PTPRK: variants seen among roughly 807,000 people sequenced by gnomAD.
PTPRK encodes receptor-type tyrosine-protein phosphatase kappa.
PTPRK carries 75 observed loss-of-function variants against 178.0 expected under a neutral mutation model. The ratio of observed to expected loss-of-function variants is 0.42; its 90% confidence interval spans 0.35 to 0.51. The LOEUF (loss-of-function observed/expected upper bound fraction) is 0.51. PTPRK is among the 20% of genes least tolerant of loss of function. PTPRK has a pLI of 0.02. For missense variants in PTPRK, 1,441 were observed against 1,797.8 expected (o/e 0.80, Z 3.59); for synonymous variants, 637 against 620.6 (o/e 1.03, Z -0.39).
At chr6:128,014,728 C>T (rs1255548607) in intron 13 of PTPRK, among the ~76,000 whole-genome samples, 1 of 151,526 alleles carries the variant, frequency 6.6e-6, no homozygotes, top group Admixed American at 6.6e-5. Context: ...TTTTGTAAAG[C>T]ACATGTTATT....
chr6:128,029,020 G>C (rs1211645972), intron 13 of PTPRK, among the ~76,000 whole-genome samples: 1 of 152,142 alleles, frequency 6.6e-6, no homozygotes, highest in African/African-American at 2.4e-5. Flanking sequence ...TTGATCAACT[G>C]ATACAGTTTG....
intron 6 of PTPRK, among the ~76,000 whole-genome samples, chr6:128,197,439 A>G (rs1162810636): frequency 6.6e-6 from 1 of 152,108 alleles, no homozygotes; most frequent in African/African-American, 2.4e-5. Context: ...TAGATGTATC[A>G]TTACTATACA....
intron 7 of PTPRK, among the ~76,000 whole-genome samples, chr6:128,094,960 G>C (rs1293445568): frequency 6.6e-6 from 1 of 152,156 alleles, no homozygotes; most frequent in Non-Finnish European, 1.5e-5. Flanking sequence ...ACAGAGATGA[G>C]CATGTGTTAG....
At chr6:127,991,721 C>T (rs1776639101) in intron 19 of PTPRK, among the ~76,000 whole-genome samples, 1 of 151,096 alleles carries the variant, frequency 6.6e-6, no homozygotes, top group African/African-American at 2.4e-5. Flanking sequence ...AACTCTTATA[C>T]CACCATCAAC....
intron 25 of PTPRK, among the ~76,000 whole-genome samples, chr6:127,980,556 T>C (rs1439610924): frequency 6.6e-6 from 1 of 152,040 alleles, no homozygotes; most frequent in Non-Finnish European, 1.5e-5. Context: ...CTATGGGCTA[T>C]ATAACACCCT....
chr6:128,494,407 T>C (rs1854363528), intron 1 of PTPRK, among the ~76,000 whole-genome samples: 1 of 152,174 alleles, frequency 6.6e-6, no homozygotes, highest in African/African-American at 2.4e-5. Context: ...AATATATCCC[T>C]GAAATTAGTA....
intron 2 of PTPRK, among the ~76,000 whole-genome samples, chr6:128,366,229 T>C (rs966738258): frequency 6.6e-6 from 1 of 152,258 alleles, no homozygotes; most frequent in African/African-American, 2.4e-5. Flanking sequence ...TGTTAGATGA[T>C]ACTTTTGGAA....
chr6:128,128,350 T>C (rs776287510), intron 7 of PTPRK, among the ~76,000 whole-genome samples: 1 of 152,130 alleles, frequency 6.6e-6, no homozygotes, highest in Admixed American at 6.5e-5. Context: ...CCAGCCTCAC[T>C]GCTTATACAA....
Position 128,246,468 on chromosome 6 carries a change from G to A in PTPRK, c.496-3866C>T, listed in dbSNP as rs1295203335. 2.0e-5 allele frequency among the ~76,000 whole-genome samples: 3 copies of A among 151,606 alleles called. No individual in the cohort carries two copies. In the East Asian group the frequency reaches 5.8e-4, roughly 29 times the overall value. The stretch of plus-strand genomic sequence containing the variant: ...AAAAAAAAAAGTTCCTCTTTTTAGT[G>A]ACCTCATTTTCCCTGCTAAATGTTG... On this transcript the variant is annotated intron_variant, in intron 3 of 29. Coordinates refer to ENST00000368226, the MANE Select transcript of PTPRK (RefSeq NM_002844.4).
chr6:127,970,109 A>G lies in PTPRK; in HGVS notation c.*118T>C. 1.5e-6 allele frequency: 1 copy of G among 681,540 alleles called. No individual in the cohort carries two copies. Among genetic ancestry groups the G allele is most frequent in the Non-Finnish European group, 2.4e-6 (1 of 418,406 alleles). The allele number at this position is 681,540 out of a possible 1,614,324, so 42.2% of individuals were successfully genotyped here. On this transcript the variant is annotated 3_prime_UTR_variant, in exon 30 of 30. Transcript: ENST00000368226. Reference sequence around the variant, plus strand: ...AAAAATACTTTTACCTCTCAAATGTAAAAGTCTCCCACCCCCCACATTAAA... The same window carrying G: ...AAAAATACTTTTACCTCTCAAATGTGAAAGTCTCCCACCCCCCACATTAAA...
chr6:128,142,984 CTTAT>C (rs1391018246), intron 7 of PTPRK, among the ~76,000 whole-genome samples: 2 of 151,982 alleles, frequency 1.3e-5, no homozygotes, highest in East Asian at 1.9e-4. Flanking sequence ...AAAATATTGA[CTTAT>C]TTCTCAAATA....
chr6:128,489,162 C>T (rs764982368), intron 1 of PTPRK, among the ~76,000 whole-genome samples: 4 of 152,000 alleles, frequency 2.6e-5, no homozygotes, highest in Non-Finnish European at 4.4e-5. Flanking sequence ...TCCACAGCAA[C>T]GAATATTAGT....
chr6:128,297,093 G>C (rs1219018745), intron 3 of PTPRK, among the ~76,000 whole-genome samples: 7 of 151,456 alleles, frequency 4.6e-5, no homozygotes, highest in South Asian at 2.1e-4. Flanking sequence ...GGATAAAACA[G>C]ACTTTAAACC....
At chr6:128,518,301 T>A (rs528794408) in intron 1 of PTPRK, among the ~76,000 whole-genome samples, 2 of 152,346 alleles carry the variant, frequency 1.3e-5, no homozygotes. Context: ...ACTAGATATC[T>A]AAGAACACAA....
At chr6:128,123,506 A>G (rs1242096364) in intron 7 of PTPRK, among the ~76,000 whole-genome samples, 1 of 152,200 alleles carries the variant, frequency 6.6e-6, no homozygotes, top group African/African-American at 2.4e-5. Context: ...ATTTCCAAAG[A>G]TAGTACAAAG....
chr6:128,314,612 A>G (rs1827746801), intron 3 of PTPRK, among the ~76,000 whole-genome samples: 1 of 152,184 alleles, frequency 6.6e-6, no homozygotes, highest in Non-Finnish European at 1.5e-5. Flanking sequence ...AGAGCTTTAA[A>G]TAGACAATTT....
chr6:128,396,908 G>A (rs1840384278), intron 2 of PTPRK, among the ~76,000 whole-genome samples: 1 of 152,106 alleles, frequency 6.6e-6, no homozygotes, highest in Non-Finnish European at 1.5e-5. Flanking sequence ...TAAGGCAGGG[G>A]AATCACTTGA....
chr6:128,476,665 C>T lies in PTPRK; in HGVS notation c.100+43594G>A, dbSNP rs146466828. On this transcript the variant is annotated intron_variant, in intron 1 of 29. Coordinates refer to ENST00000368226, the MANE Select transcript of PTPRK (RefSeq NM_002844.4). ...TAGTTTTATTTCAACACTCTTTTTA[C>T]TGTGGCTGAGTAGTGTTTTAAAATT... Among the ~76,000 whole-genome samples the T allele has an allele frequency of 9.2e-3, 1,398 of 152,068 alleles. 26 individuals carry two copies. Among genetic ancestry groups the T allele is most frequent in the African/African-American group, 0.032 (1,318 of 41,520 alleles).
intron 1 of PTPRK, chr6:128,472,623 C>T: frequency 3.8e-6 from 1 of 262,752 alleles, no homozygotes; most frequent in Admixed American, 5.2e-5. Context: ...TATAATTCTA[C>T]ATATTAATAT....
Sources: allele counts gnomAD v4.1 joint callset (sites outside exome capture counted in the v4.1 genomes callset), GRCh38; gene constraint gnomAD v4.1.1; transcripts MANE v1.5; gene names NCBI Gene and HGNC (gene_info 2026-07-23, HGNC 2026-07-21).